BMPR1B: variants seen among roughly 807,000 people sequenced by gnomAD.
BMPR1B encodes the protein bone morphogenetic protein receptor type-1B.
In BMPR1B, 12 loss-of-function variants were observed where a neutral mutation model predicts 59.1. The observed-to-expected ratio is 0.20, with a 90% confidence interval of 0.13 to 0.33. The LOEUF (loss-of-function observed/expected upper bound fraction) is 0.33. Ranked by LOEUF, BMPR1B falls within the 10% of genes least tolerant of loss-of-function variation. The pLI is 1.00. For synonymous variants in BMPR1B, 237 were observed against 207.3 expected (o/e 1.14, Z -1.23); for missense variants, 550 against 610.9 (o/e 0.90, Z 1.05).
At chr4:95,124,937 C>G (rs1395933217) in intron 7 of BMPR1B, 46 bp from the exon 8 acceptor site, 1 of 1,555,868 alleles carries the variant, frequency 6.4e-7, no homozygotes, top group African/African-American at 1.4e-5. Context: ...TTTACTCCAT[C>G]ATTGCATTTC....
intron 2 of BMPR1B, among the ~76,000 whole-genome samples, chr4:94,962,121 TTCTTTCC>T (rs1730389659): frequency 1.5e-5 from 2 of 129,374 alleles, no homozygotes; most frequent in Non-Finnish European, 3.2e-5. Context: ...CCTTCCTTCC[TTCTTTCC>T]TTCCTTCCTT....
chr4:94,923,704 A>G (rs983196427), intron 2 of BMPR1B, among the ~76,000 whole-genome samples: 1 of 152,138 alleles, frequency 6.6e-6, no homozygotes, highest in Non-Finnish European at 1.5e-5. Context: ...ATAAAATCAG[A>G]TGTGTTCTTG....
chr4:95,097,235 A>G (rs1005818888), intron 3 of BMPR1B, among the ~76,000 whole-genome samples: 2 of 150,846 alleles, frequency 1.3e-5, no homozygotes, highest in African/African-American at 4.9e-5. Context: ...TTAGAGAAAG[A>G]GGGAAGAAGA....
At chr4:94,816,748 T>G (rs1724024647) in intron 1 of BMPR1B, among the ~76,000 whole-genome samples, 2 of 152,184 alleles carry the variant, frequency 1.3e-5, no homozygotes, top group Non-Finnish European at 1.5e-5. Context: ...TAACATAACT[T>G]AGAAGGCAGT....
chr4:94,868,086 G>C (rs1370498644), intron 1 of BMPR1B, among the ~76,000 whole-genome samples: 2 of 150,918 alleles, frequency 1.3e-5, no homozygotes, highest in Admixed American at 6.6e-5. Context: ...TAATCTAGAA[G>C]TTTTGGGCTC....
chr4:95,090,515 CT>C (rs1579061631), intron 3 of BMPR1B, among the ~76,000 whole-genome samples: 1 of 151,882 alleles, frequency 6.6e-6, no homozygotes, highest in Admixed American at 6.6e-5. Flanking sequence ...TAGAGTGAAC[CT>C]TTGGTGTGAG....
intron 1 of BMPR1B, among the ~76,000 whole-genome samples, chr4:94,771,027 A>C (rs1722167335): frequency 6.6e-6 from 1 of 152,186 alleles, no homozygotes; most frequent in African/African-American, 2.4e-5. Context: ...ATAACACGAA[A>C]TTAGGGAAAC....
intron 3 of BMPR1B, among the ~76,000 whole-genome samples, chr4:95,086,586 A>G (rs1729593218): frequency 1.3e-5 from 2 of 152,228 alleles, no homozygotes; most frequent in South Asian, 4.1e-4. Context: ...ATACTGGAGA[A>G]AACATTAAAG....
At chr4:95,072,218 T>C (rs1728363731) in intron 3 of BMPR1B, among the ~76,000 whole-genome samples, 1 of 152,150 alleles carries the variant, frequency 6.6e-6, no homozygotes, top group African/African-American at 2.4e-5. Context: ...TTTCAGCTGA[T>C]TGGATGAGGC....
intron 6 of BMPR1B, among the ~76,000 whole-genome samples, chr4:95,117,630 A>T (rs989847338): frequency 5.1e-4 from 78 of 151,962 alleles, no homozygotes; most frequent in Non-Finnish European, 9.9e-4. Flanking sequence ...AAAAAAAAAA[A>T]TTTTAATGAT....
intron 3 of BMPR1B, among the ~76,000 whole-genome samples, chr4:95,097,073 ATATAGT>A (rs1730472704): frequency 6.9e-6 from 1 of 144,806 alleles, no homozygotes; most frequent in African/African-American, 2.5e-5. Flanking sequence ...ATATATTTAC[ATATAGT>A]TATATATATT....
At position 95,097,014 on chromosome 4, in the gene BMPR1B, AT is replaced by A. The variant is rs1269605808; in HGVS notation, c.-17-7392del. On this transcript the variant is annotated intron_variant, in intron 3 of 12. Transcript: ENST00000515059. ...ATATAGTATATGATATAAATTGTAT[AT>A]TATATATAGTTTATATAATATAGTT... Among the ~76,000 whole-genome samples, 5 of 145,022 alleles carry A rather than the reference AT, an allele frequency of 3.4e-5. No homozygotes were observed. The East Asian group carries it at 9.9e-4, about 29-fold the overall frequency.
intron 3 of BMPR1B, among the ~76,000 whole-genome samples, chr4:95,026,127 TTTC>T (rs1724380027): frequency 3.4e-5 from 5 of 147,054 alleles, no homozygotes; most frequent in South Asian, 2.2e-4. Context: ...TCTTTCTTTC[TTTC>T]TTTCTTTCTT....
At chr4:95,063,645 C>A (rs748298488) in intron 3 of BMPR1B, among the ~76,000 whole-genome samples, 2 of 152,062 alleles carry the variant, frequency 1.3e-5, no homozygotes, top group Non-Finnish European at 2.9e-5. Context: ...TGCAAAACCA[C>A]ATAACATAAA....
chr4:94,986,883 T>C (rs1289061271), intron 2 of BMPR1B, among the ~76,000 whole-genome samples: 3 of 151,554 alleles, frequency 2.0e-5, no homozygotes, highest in East Asian at 2.0e-4. Context: ...CTACTAAAAA[T>C]GCAAAAAACT....
At chr4:95,139,515 G>A (rs1734057098) in intron 10 of BMPR1B, among the ~76,000 whole-genome samples, 1 of 152,248 alleles carries the variant, frequency 6.6e-6, no homozygotes, top group Non-Finnish European at 1.5e-5. Flanking sequence ...CCCCAGAGGT[G>A]GAGTCTACAG....
rs1413517852 is a variant in BMPR1B, at chr4:95,131,423, C to G, written c.987C>G (p.Ala329=). 1 of 1,613,846 alleles carries G rather than the reference C, an allele frequency of 6.2e-7. No homozygotes were observed. The highest frequency in any genetic ancestry group is 8.5e-7 in the Non-Finnish European group (1 of 1,179,968). Reference sequence around the variant, plus strand: ...GTACTCAAGGCAAACCAGCAATTGCCCATCGAGATCTGAAAAGTAAAAACA... The same window carrying G: ...GTACTCAAGGCAAACCAGCAATTGCGCATCGAGATCTGAAAAGTAAAAACA... The part of the protein sequence containing the change: ...IFSTQGKPAI[A]HRDLKSKNIL... Residue 329 remains alanine (A), a synonymous_variant, in exon 10 of 13, where the codon GCC becomes GCG. Transcript: ENST00000515059.
intron 3 of BMPR1B, among the ~76,000 whole-genome samples, chr4:95,021,933 G>A (rs1724018075): frequency 6.6e-6 from 1 of 152,162 alleles, no homozygotes; most frequent in Admixed American, 6.6e-5. Context: ...CAGTGGGAAA[G>A]GTTTCTCTTA....
intron 4 of BMPR1B, among the ~76,000 whole-genome samples, chr4:95,113,612 T>A (rs1731789383): frequency 6.6e-6 from 1 of 152,188 alleles, no homozygotes; most frequent in South Asian, 2.1e-4. Context: ...ACTTTATTTC[T>A]TAAGACATTC....
Sources: allele counts gnomAD v4.1 joint callset (sites outside exome capture counted in the v4.1 genomes callset), GRCh38; gene constraint gnomAD v4.1.1; transcripts MANE v1.5; gene names NCBI Gene and HGNC (gene_info 2026-07-23, HGNC 2026-07-21).